The following NIPAL2 variants were observed in gnomAD, a reference collection of about 807,000 sequenced individuals.
NIPAL2 encodes NIPA-like protein 2.
NIPAL2 carries 43 observed loss-of-function variants against 48.9 expected under a neutral mutation model. The observed-to-expected ratio is 0.88, with a 90% CI of 0.69 to 1.13. The LOEUF is 1.13. Among genes scored for constraint, NIPAL2 ranks in the 50% most tolerant of loss-of-function variants. NIPAL2 has a pLI of 0.00. For synonymous variants in NIPAL2, 167 were observed against 174.6 expected, an observed-to-expected ratio of 0.96 and a Z score of 0.34; for missense variants, 446 against 461.4, an observed-to-expected ratio of 0.97 and a Z score of 0.31.
chr8:98,266,821 G>A (rs1331692723), intron 1 of NIPAL2, among the ~76,000 whole-genome samples: 1 of 152,058 alleles, frequency 6.6e-6, no homozygotes, highest in Non-Finnish European at 1.5e-5. Context: ...GGAGTTTGGA[G>A]ACCTAAATGA....
intron 7 of NIPAL2, among the ~76,000 whole-genome samples, chr8:98,204,214 G>A (rs1421163052): frequency 6.6e-6 from 1 of 152,186 alleles, no homozygotes; most frequent in Non-Finnish European, 1.5e-5. Flanking sequence ...GCAAATGCAA[G>A]TATTAGAAAC....
intron 1 of NIPAL2, among the ~76,000 whole-genome samples, chr8:98,293,784 C>T (rs1435152142): frequency 6.6e-6 from 1 of 152,210 alleles, no homozygotes. Context: ...CTCCCAGTGC[C>T]GGGTGCCCGG....
chr8:98,236,752 T>C (rs1250526069), intron 3 of NIPAL2, among the ~76,000 whole-genome samples: 2 of 145,736 alleles, frequency 1.4e-5, no homozygotes, highest in Admixed American at 7.2e-5. Context: ...CTGGGGAGGC[T>C]GAGGTGGGTG....
chr8:98,235,623 T>C (rs898796800), intron 4 of NIPAL2, among the ~76,000 whole-genome samples: 3 of 151,770 alleles, frequency 2.0e-5, no homozygotes, highest in Non-Finnish European at 2.9e-5. Flanking sequence ...ATGGTGTTCA[T>C]AAAATTTTAT....
In NIPAL2 at chr8:98,220,964, CTTTTTTTTTTTTT is replaced by C. The variant is rs557824737; in HGVS notation, c.558+1502_558+1514del. Among the ~76,000 whole-genome samples the C allele has an allele frequency of 8.6e-4, 59 of 68,662 alleles. 1 individual carries two copies. Among genetic ancestry groups the C allele is most frequent in the East Asian group, 2.1e-3 (4 of 1,932 alleles). 45.0% of individuals were successfully genotyped at this position (68,662 alleles called of 152,430 possible). On this transcript the variant is annotated intron_variant, in intron 5 of 10. Transcript: ENST00000430223. ...TATTTCTCTATCAGTTCATTTCATT[CTTTTTTTTTTTTT>C]TTTTTTTTTTTTTTTTTGACAGAGT...
chr8:98,266,802 A>G (rs938380203), intron 1 of NIPAL2, among the ~76,000 whole-genome samples: 2 of 152,162 alleles, frequency 1.3e-5, no homozygotes, highest in Non-Finnish European at 2.9e-5. Context: ...AAAGAAAACA[A>G]TACCATAAGG....
At chr8:98,253,730 A>G (rs1447753230) in intron 2 of NIPAL2, among the ~76,000 whole-genome samples, 2 of 152,162 alleles carry the variant, frequency 1.3e-5, no homozygotes, top group Non-Finnish European at 2.9e-5. Flanking sequence ...AACCAGTGCT[A>G]TTTATCCATT....
intron 8 of NIPAL2, among the ~76,000 whole-genome samples, chr8:98,198,126 T>C (rs921618950): frequency 6.6e-6 from 1 of 152,030 alleles, no homozygotes; most frequent in Admixed American, 6.6e-5. Flanking sequence ...GCAGAATGAA[T>C]GTTGTGTTAG....
intron 3 of NIPAL2, 123 bp downstream of exon 3, chr8:98,252,340 T>C (rs1340208599): frequency 1.1e-6 from 1 of 889,156 alleles, no homozygotes; most frequent in East Asian, 2.7e-5. Context: ...TGTTCCATGT[T>C]AACGTGATAA....
In NIPAL2 at chr8:98,194,802, C is replaced by T. The variant is rs753395360; in HGVS notation, c.965G>A (p.Gly322Asp). 9 of 1,564,942 alleles carry T rather than the reference C, an allele frequency of 5.8e-6. No homozygotes were observed. The highest frequency in any genetic ancestry group is 1.2e-5 in the South Asian group (1 of 81,704). ...TCGATTTCTTGTGACCAAAAATACA[C>T]CAAGGAATGACAGAAAACACCTGTA... ...YLFGCFLSFL[G>D]VFLVTRNREK... Residue 322 changes from glycine to aspartate, a missense_variant, in exon 10 of 11, where the codon GGT becomes GAT. By Grantham distance (94) the Gly-to-Asp change is moderately conservative. Coordinates refer to ENST00000430223, the MANE Select transcript of NIPAL2 (RefSeq NM_001321635.2).
At chr8:98,228,904 AAAG>A (rs556573348) in intron 4 of NIPAL2, among the ~76,000 whole-genome samples, 223 of 152,342 alleles carry the variant, frequency 1.5e-3, no homozygotes, top group African/African-American at 4.7e-3. Flanking sequence ...AAGAAAACAG[AAAG>A]AAGGACATGG....
In NIPAL2 at chr8:98,190,161, A is replaced by G. The variant is rs1563798522; in HGVS notation, c.*2817T>C. 1 of 152,042 alleles carries G rather than the reference A, an allele frequency of 6.6e-6. No homozygotes were observed. Among genetic ancestry groups the G allele is most frequent in the Non-Finnish European group, 1.5e-5 (1 of 68,028 alleles). The allele number at this position is 152,042 out of a possible 1,614,324, so 9.4% of individuals were successfully genotyped here. On this transcript the variant is annotated 3_prime_UTR_variant, in exon 11 of 11. Coordinates refer to ENST00000430223, the MANE Select transcript of NIPAL2 (RefSeq NM_001321635.2). ...GGCAAATATCAAGCCATGTTTCCACACTCCCAAAGTATCTCATTTGTCATG... is the reference window on the plus strand; with the variant it reads ...GGCAAATATCAAGCCATGTTTCCACGCTCCCAAAGTATCTCATTTGTCATG...
At chr8:98,288,847 G>A (rs1816341123) in intron 1 of NIPAL2, among the ~76,000 whole-genome samples, 1 of 152,136 alleles carries the variant, frequency 6.6e-6, no homozygotes, top group Admixed American at 6.6e-5. Flanking sequence ...TCCAGATCAA[G>A]AATAGAAATT....
intron 1 of NIPAL2, among the ~76,000 whole-genome samples, chr8:98,269,562 T>C (rs1429680442): frequency 6.6e-6 from 1 of 152,220 alleles, no homozygotes; most frequent in African/African-American, 2.4e-5. Flanking sequence ...AAGTAAACCA[T>C]GCCATAAACA....
At position 98,236,243 on chromosome 8, in the gene NIPAL2, T is replaced by A. The variant is rs747164286; in HGVS notation, c.377-29A>T. On this transcript the variant is annotated intron_variant, in intron 3 of 10. Coordinates refer to ENST00000430223, the MANE Select transcript of NIPAL2 (RefSeq NM_001321635.2). ...TAAAGAAAATGGCCATTAGTGGTAGTTCCAATATAAAAGTGTCTATTACGC... is the reference window on the plus strand; with the variant it reads ...TAAAGAAAATGGCCATTAGTGGTAGATCCAATATAAAAGTGTCTATTACGC... 2.6e-5 allele frequency: 40 copies of A among 1,509,564 alleles called. No individual in the cohort carries two copies. In the South Asian group the frequency reaches 3.8e-4, roughly 14 times the overall value. The allele number at this position is 1,509,564 out of a possible 1,614,324, so 93.5% of individuals were successfully genotyped here. A position where few individuals can be genotyped will look rare whatever the true frequency, so the allele number is the denominator to read the frequency against.
intron 5 of NIPAL2, 57 bp downstream of exon 5, chr8:98,222,422 G>A: frequency 6.5e-7 from 1 of 1,545,300 alleles, no homozygotes; most frequent in Non-Finnish European, 8.8e-7. Context: ...ATATCTGCAT[G>A]GACCAGTGGT....
intron 6 of NIPAL2, 81 bp downstream of exon 6, chr8:98,212,324 T>C: frequency 1.4e-6 from 1 of 724,000 alleles, no homozygotes; most frequent in Admixed American, 2.2e-5. Flanking sequence ...AGGAGTAGAA[T>C]GCTTAAGTAT....
At chr8:98,275,184 G>T (rs992629380) in intron 1 of NIPAL2, among the ~76,000 whole-genome samples, 3 of 151,906 alleles carry the variant, frequency 2.0e-5, no homozygotes, top group African/African-American at 7.2e-5. Context: ...GTGTGTGTGT[G>T]TAACCACTGC....
rs1586509807 is a variant in NIPAL2, at chr8:98,294,030, G to C, written c.108C>G (p.Leu36=). The stretch of plus-strand genomic sequence containing the variant: ...GGTTCCTGCGGTACCAGTCGCCCGA[G>C]AGGGAGCCGTTGCCGGCGCCTGGTG... ...YGAPGAGNGS[L]SGDWYRRNQI... Residue 36 remains leucine, a synonymous_variant, in exon 1 of 11, where the codon CTC becomes CTG. Coordinates refer to ENST00000430223, the MANE Select transcript of NIPAL2 (RefSeq NM_001321635.2). 1 of 1,497,498 alleles carries C rather than the reference G, an allele frequency of 6.7e-7. No individual in the cohort carries two copies. Among genetic ancestry groups the C allele is most frequent in the Non-Finnish European group, 8.9e-7 (1 of 1,123,346 alleles). 92.8% of individuals were successfully genotyped at this position (1,497,498 alleles called of 1,614,324 possible). A position where few individuals can be genotyped will look rare whatever the true frequency, so the allele number is the denominator to read the frequency against.
Sources: gnomAD v4.1 joint callset for allele counts (sites outside exome capture counted in the v4.1 genomes callset) on GRCh38, gnomAD v4.1.1 for gene constraint, MANE v1.5 for transcripts, NCBI Gene and HGNC (gene_info 2026-07-23, HGNC 2026-07-21) for gene names.